TNIK: variants seen among roughly 807,000 people sequenced by gnomAD.
TNIK encodes TRAF2 and NCK interacting kinase, also known as TRAF2 and NCK-interacting protein kinase.
In TNIK, 49 loss-of-function variants were observed where a neutral mutation model predicts 191.3. The ratio of observed to expected loss-of-function variants is 0.26; its 90% CI spans 0.20 to 0.32. The LOEUF (loss-of-function observed/expected upper bound fraction) is 0.32. TNIK is among the 10% of genes least tolerant of loss of function. TNIK has a pLI of 1.00. For synonymous variants in TNIK, 594 were observed against 600.9 expected, an observed-to-expected ratio of 0.99 and a Z score of 0.17; for missense variants, 1,155 against 1,702.3, an observed-to-expected ratio of 0.68 and a Z score of 5.66.
At chr3:171,214,952 C>A (rs534163122) in intron 3 of TNIK, among the ~76,000 whole-genome samples, 2 of 152,260 alleles carry the variant, frequency 1.3e-5, no homozygotes, top group Non-Finnish European at 2.9e-5. Flanking sequence ...TTGTGGTAGA[C>A]TGAAAAAGAA....
chr3:171,152,777 T>TTTTTTG (rs1491324877), intron 12 of TNIK, among the ~76,000 whole-genome samples: 4 of 7,590 alleles, frequency 5.3e-4, no homozygotes, highest in African/African-American at 9.0e-3. Flanking sequence ...TTGTTTTTTG[T>TTTTTTG]TTTTTTTTTT....
intron 18 of TNIK, 91 bp from the exon 19 acceptor site, chr3:171,110,968 T>C (rs1725768169): frequency 7.6e-7 from 1 of 1,309,328 alleles, no homozygotes; most frequent in Non-Finnish European, 1.0e-6. Flanking sequence ...ACCCAAAATA[T>C]GTAAGGAACT....
At chr3:171,255,698 A>T (rs1746765924) in intron 2 of TNIK, among the ~76,000 whole-genome samples, 1 of 152,240 alleles carries the variant, frequency 6.6e-6, no homozygotes, top group African/African-American at 2.4e-5. Context: ...CAGGCCCAAA[A>T]GAACAAAGCT....
intron 1 of TNIK, among the ~76,000 whole-genome samples, chr3:171,424,702 A>T (rs1019585260): frequency 6.6e-6 from 1 of 152,078 alleles, no homozygotes; most frequent in East Asian, 1.9e-4. Context: ...ATGAAGCTGG[A>T]AACCATCATT....
intron 2 of TNIK, among the ~76,000 whole-genome samples, chr3:171,355,024 A>C (rs1713824067): frequency 6.6e-6 from 1 of 151,992 alleles, no homozygotes; most frequent in Non-Finnish European, 1.5e-5. Flanking sequence ...CCCTGTGAAC[A>C]CTGGATTCTT....
chr3:171,157,930 C>G (rs1733442995), intron 11 of TNIK, among the ~76,000 whole-genome samples: 6 of 152,234 alleles, frequency 3.9e-5, no homozygotes, highest in Admixed American at 3.9e-4. Flanking sequence ...TTGTCACCTT[C>G]TCCAGGACTG....
intron 1 of TNIK, among the ~76,000 whole-genome samples, chr3:171,395,391 C>T (rs749909648): frequency 3.9e-5 from 6 of 152,170 alleles, no homozygotes; most frequent in Non-Finnish European, 5.9e-5. Flanking sequence ...TATAAAGCTC[C>T]TCTAACCGTG....
At chr3:171,069,686 C>T (rs1718934421) in intron 29 of TNIK, among the ~76,000 whole-genome samples, 1 of 152,148 alleles carries the variant, frequency 6.6e-6, no homozygotes, top group Admixed American at 6.5e-5. Context: ...AATCCAGAGC[C>T]CAAGCCCCAA....
intron 12 of TNIK, among the ~76,000 whole-genome samples, chr3:171,155,288 A>T (rs9858809): frequency 0.011 from 1,676 of 152,364 alleles, 27 homozygotes; most frequent in African/African-American, 0.038. Flanking sequence ...AGCAGGACAC[A>T]GCAGAAGAGT....
intron 21 of TNIK, chr3:171,102,057 T>C (rs10428180): frequency 0.079 from 12,428 of 157,286 alleles, 1,662 homozygotes; most frequent in African/African-American, 0.28. Flanking sequence ...TCCCCTCTTA[T>C]GATTGCTGCT....
intron 2 of TNIK, among the ~76,000 whole-genome samples, chr3:171,298,187 G>A (rs1361075760): frequency 6.6e-6 from 1 of 152,186 alleles, no homozygotes; most frequent in African/African-American, 2.4e-5. Context: ...TCTAAGTACT[G>A]TACATGGAGC....
At chr3:171,355,251 C>T (rs1056050425) in intron 2 of TNIK, among the ~76,000 whole-genome samples, 1 of 152,090 alleles carries the variant, frequency 6.6e-6, no homozygotes, top group Non-Finnish European at 1.5e-5. Flanking sequence ...GCACCTCCTC[C>T]CTGAAGCACT....
chr3:171,214,627 AAAG>A (rs1741243786), intron 3 of TNIK, among the ~76,000 whole-genome samples: 1 of 152,216 alleles, frequency 6.6e-6, no homozygotes, highest in South Asian at 2.1e-4. Flanking sequence ...AATGAAAAAT[AAAG>A]TAGTGGTACC....
At chr3:171,426,037 CA>C (rs1297446409) in intron 1 of TNIK, among the ~76,000 whole-genome samples, 1 of 152,072 alleles carries the variant, frequency 6.6e-6, no homozygotes, top group Non-Finnish European at 1.5e-5. Flanking sequence ...CCGTTTGACC[CA>C]GCCATCCCAT....
intron 12 of TNIK, among the ~76,000 whole-genome samples, chr3:171,149,671 G>A (rs922627447): frequency 6.6e-6 from 1 of 152,156 alleles, no homozygotes. Context: ...ATGTGCATGC[G>A]ATTACTGACC....
At chr3:171,392,893 C>A (rs1719751721) in intron 1 of TNIK, among the ~76,000 whole-genome samples, 1 of 151,686 alleles carries the variant, frequency 6.6e-6, no homozygotes, top group African/African-American at 2.4e-5. Flanking sequence ...ATTTTCTGGG[C>A]AAAAAGAGTA....
chr3:171,322,878 T>G (rs1300507028), intron 2 of TNIK, among the ~76,000 whole-genome samples: 1 of 150,898 alleles, frequency 6.6e-6, no homozygotes, highest in Non-Finnish European at 1.5e-5. Context: ...TGTGAAACTC[T>G]GCCAAGTGGT....
chr3:171,306,120 C>T (rs577102795), intron 2 of TNIK, among the ~76,000 whole-genome samples: 1 of 152,066 alleles, frequency 6.6e-6, no homozygotes, highest in African/African-American at 2.4e-5. Context: ...GAACAGGAAA[C>T]AAAATACCAC....
chr3:171,124,422 T>A (rs1276645167), intron 17 of TNIK, among the ~76,000 whole-genome samples: 3 of 152,176 alleles, frequency 2.0e-5, no homozygotes, highest in Non-Finnish European at 4.4e-5. Context: ...GGAAAATGTA[T>A]TATTAGCTTA....
Sources: allele counts gnomAD v4.1 joint callset (sites outside exome capture counted in the v4.1 genomes callset), GRCh38; gene constraint gnomAD v4.1.1; transcripts MANE v1.5; gene names NCBI Gene and HGNC (gene_info 2026-07-23, HGNC 2026-07-21).